The following MAML2 variants were observed in gnomAD, a reference collection of about 807,000 sequenced individuals.
The protein encoded by MAML2 is mastermind like transcriptional coactivator 2.
Under a neutral mutation model 96.1 loss-of-function variants are expected in MAML2, and 22 were observed. That is an observed-to-expected ratio of 0.23 (90% CI 0.16 to 0.33). The LOEUF is 0.33. Among genes scored for constraint, MAML2 ranks in the 10% least tolerant of loss-of-function variants. The pLI is 1.00. For missense variants in MAML2, 1,367 were observed against 1,392.4 expected (o/e 0.98, Z 0.29); for synonymous variants, 561 against 521.3 (o/e 1.08, Z -1.04).
At chr11:96,250,960 C>T (rs1156382393) in intron 1 of MAML2, among the ~76,000 whole-genome samples, 1 of 152,120 alleles carries the variant, frequency 6.6e-6, no homozygotes, top group African/African-American at 2.4e-5. Context: ...GAAAGTATCC[C>T]TTAGGACATT....
chr11:96,178,404 G>A (rs1243316650), intron 1 of MAML2, among the ~76,000 whole-genome samples: 1 of 152,166 alleles, frequency 6.6e-6, no homozygotes, highest in East Asian at 1.9e-4. Context: ...TTGATCAGGA[G>A]GCAGAGCCAG....
In MAML2 at chr11:95,979,157, G is replaced by A. The variant is rs1233901902; in HGVS notation, c.3262C>T (p.Pro1088Ser). 1.2e-6 allele frequency: 2 copies of A among 1,614,022 alleles called. No homozygotes were observed. The highest frequency in any genetic ancestry group is 1.3e-5 in the African/African-American group (1 of 75,046). The change falls in exon 5 of 5, where the codon CCT becomes TCT. Residue 1088 changes from proline (P) to serine (S), a missense_variant. Pro to Ser is a moderately conservative substitution (Grantham distance 74, BLOSUM62 -1). Coordinates refer to ENST00000524717, the MANE Select transcript of MAML2 (RefSeq NM_032427.4). ...QPPSLTPSNF[P>S]SPNQSSRAFQ... ...GCCCTGGAACTTTGGTTGGGTGAAG[G>A]AAAATTGCTGGGCGTCAGGGATGGT...
At chr11:96,178,533 T>C (rs939563658) in intron 1 of MAML2, among the ~76,000 whole-genome samples, 2 of 152,224 alleles carry the variant, frequency 1.3e-5, no homozygotes, top group African/African-American at 4.8e-5. Flanking sequence ...CTCCCTGGCA[T>C]ATGTCAGGAA....
chr11:96,292,380 G>C (rs1863225828), intron 1 of MAML2, among the ~76,000 whole-genome samples: 1 of 152,220 alleles, frequency 6.6e-6, no homozygotes, highest in Non-Finnish European at 1.5e-5. Flanking sequence ...TGCTCACTAT[G>C]TATTTGGCTG....
At chr11:96,063,174 T>G (rs1859194517) in intron 2 of MAML2, among the ~76,000 whole-genome samples, 1 of 152,200 alleles carries the variant, frequency 6.6e-6, no homozygotes, top group African/African-American at 2.4e-5. Flanking sequence ...TGGGACATGC[T>G]GTACACCTAT....
intron 1 of MAML2, among the ~76,000 whole-genome samples, chr11:96,106,892 G>T (rs1591016944): frequency 1.3e-5 from 2 of 150,984 alleles, no homozygotes; most frequent in Non-Finnish European, 2.9e-5. Flanking sequence ...TAGATTGCTA[G>T]CTAGAGGATA....
In MAML2 at chr11:96,236,868, C is replaced by T. The variant is rs1591088477; in HGVS notation, c.513+104515G>A. 3.9e-5 allele frequency among the ~76,000 whole-genome samples: 6 copies of T among 152,074 alleles called. No homozygotes were observed. The South Asian group carries it at 1.0e-3, about 26-fold the overall frequency. Reference sequence around the variant, plus strand: ...ACCACATATTATATAGTTTGGCTGGCAGCTTTGTTTTCAATAAGTGCTTTT... The same window carrying T: ...ACCACATATTATATAGTTTGGCTGGTAGCTTTGTTTTCAATAAGTGCTTTT... On this transcript the variant is annotated intron_variant, in intron 1 of 4. Transcript: ENST00000524717.
At chr11:96,062,785 T>G (rs1859184934) in intron 2 of MAML2, among the ~76,000 whole-genome samples, 1 of 152,206 alleles carries the variant, frequency 6.6e-6, no homozygotes, top group African/African-American at 2.4e-5. Context: ...AAATTTCACC[T>G]AGAATTTTGT....
rs189351026 is a variant in MAML2, at chr11:96,090,845, C to T, written c.2139+1047G>A. On this transcript the variant is annotated intron_variant, in intron 2 of 4. Transcript: ENST00000524717. The stretch of plus-strand genomic sequence containing the variant: ...GGCATTCTTTTCTGGGCAATAGCCA[C>T]GAAAACTACTCTAGGAATGTTATTG... Among the ~76,000 whole-genome samples the T allele has an allele frequency of 1.3e-4, 20 of 152,234 alleles. No individual in the cohort carries two copies. In the East Asian group the frequency reaches 1.5e-3, roughly 12 times the overall value.
chr11:96,131,379 A>T (rs1054941572), intron 1 of MAML2, among the ~76,000 whole-genome samples: 2 of 152,232 alleles, frequency 1.3e-5, no homozygotes, highest in Non-Finnish European at 2.9e-5. Flanking sequence ...AACTAGACAT[A>T]AGATAAACAA....
intron 1 of MAML2, among the ~76,000 whole-genome samples, chr11:96,268,016 A>T (rs1030963643): frequency 6.6e-6 from 1 of 152,250 alleles, no homozygotes; most frequent in African/African-American, 2.4e-5. Context: ...GGAAACATGG[A>T]GATGGCTTTC....
chr11:96,283,142 A>G (rs936178507), intron 1 of MAML2, among the ~76,000 whole-genome samples: 6 of 152,190 alleles, frequency 3.9e-5, no homozygotes, highest in Non-Finnish European at 2.9e-5. Flanking sequence ...AAAACTAAAC[A>G]AGCCATAAAC....
intron 1 of MAML2, among the ~76,000 whole-genome samples, chr11:96,307,160 GCAAA>G (rs1424685712): frequency 1.3e-5 from 2 of 152,136 alleles, no homozygotes; most frequent in Non-Finnish European, 1.5e-5. Context: ...CACCAACACA[GCAAA>G]CAATCACTCC....
At chr11:96,285,182 T>C (rs1205369599) in intron 1 of MAML2, among the ~76,000 whole-genome samples, 2 of 152,188 alleles carry the variant, frequency 1.3e-5, no homozygotes, top group African/African-American at 2.4e-5. Context: ...TGAAACCACG[T>C]CTACTCATAT....
chr11:96,178,751 C>G (rs987787804), intron 1 of MAML2, among the ~76,000 whole-genome samples: 8 of 152,208 alleles, frequency 5.3e-5, no homozygotes, highest in African/African-American at 1.9e-4. Flanking sequence ...TTAATTGTCT[C>G]TTGTGCTTCT....
At chr11:96,323,547 T>C (rs542284) in intron 1 of MAML2, among the ~76,000 whole-genome samples, 56,629 of 151,610 alleles carry the variant, frequency 0.37, 10,705 homozygotes, top group African/African-American at 0.45. Context: ...AAGGAACTTA[T>C]CTGTCTTCAA....
At chr11:96,052,497 G>A (rs1194649815) in intron 2 of MAML2, among the ~76,000 whole-genome samples, 10 of 152,148 alleles carry the variant, frequency 6.6e-5, no homozygotes, top group African/African-American at 9.7e-5. Context: ...TGGACTTAAC[G>A]ACACCACTCT....
intron 1 of MAML2, among the ~76,000 whole-genome samples, chr11:96,120,246 C>T (rs1034093323): frequency 4.6e-5 from 7 of 152,242 alleles, no homozygotes; most frequent in Admixed American, 2.6e-4. Context: ...CGTGAGCCAC[C>T]GCGTCCGGCC....
intron 1 of MAML2, among the ~76,000 whole-genome samples, chr11:96,250,859 T>C (rs1862572437): frequency 6.6e-6 from 1 of 152,188 alleles, no homozygotes; most frequent in Non-Finnish European, 1.5e-5. Flanking sequence ...AACTCTTTTC[T>C]TCATATTGCA....
Sources: gnomAD v4.1 joint callset for allele counts (sites outside exome capture counted in the v4.1 genomes callset) on GRCh38, gnomAD v4.1.1 for gene constraint, MANE v1.5 for transcripts, NCBI Gene and HGNC (gene_info 2026-07-23, HGNC 2026-07-21) for gene names.